The following CCDC18 variants were observed in gnomAD, a reference collection of about 807,000 sequenced individuals.
The protein encoded by CCDC18 is coiled-coil domain containing 18, also known as coiled-coil domain-containing protein 18.
A neutral mutation model predicts 196.0 loss-of-function variants in CCDC18; 157 were observed. That is an observed-to-expected ratio of 0.80 (90% CI 0.70 to 0.91). The LOEUF (loss-of-function observed/expected upper bound fraction) is 0.91, where lower values mean the gene tolerates loss of function less well. Among genes scored for constraint, CCDC18 ranks in the 40% least tolerant of loss-of-function variants. CCDC18 has a pLI of 0.00. For missense variants in CCDC18, 1,465 were observed against 1,611.6 expected (o/e 0.91, Z 1.56); for synonymous variants, 482 against 529.2 (o/e 0.91, Z 1.22).
rs1650697498 is a variant in CCDC18 at position 93,186,490 on chromosome 1, A to C, written c.449A>C (p.Gln150Pro). 6.2e-7 allele frequency: 1 copy of C among 1,600,318 alleles called. No homozygotes were observed. The highest frequency in any genetic ancestry group is 1.1e-5 in the South Asian group (1 of 88,128). Residue 150 changes from glutamine (Q) to proline (P), a missense_variant, in exon 4 of 29, where the codon CAG becomes CCG. Physicochemically the swap from Gln to Pro is moderately conservative, Grantham distance 76. Coordinates refer to ENST00000690025, the MANE Select transcript of CCDC18 (RefSeq NM_001378204.1). The part of the protein sequence containing the change: ...KFESIHFELT[Q>P]SRAKVSMLES... ...GAATCTATTCACTTTGAATTAACAC[A>C]GTCAAGAGCAAAAGTATGTATCTTG...
At chr1:93,260,518 A>G (rs1217670309) in intron 26 of CCDC18, among the ~76,000 whole-genome samples, 1 of 152,196 alleles carries the variant, frequency 6.6e-6, no homozygotes, top group East Asian at 1.9e-4. Context: ...TACTTTTAAA[A>G]TATATATGTT....
intron 7 of CCDC18, among the ~76,000 whole-genome samples, chr1:93,204,652 G>A (rs908352489): frequency 6.6e-6 from 1 of 152,138 alleles, no homozygotes; most frequent in African/African-American, 2.4e-5. Flanking sequence ...GAGAAAGTCT[G>A]CAGTTGATTA....
chr1:93,267,558 C>T (rs958791737), intron 27 of CCDC18, among the ~76,000 whole-genome samples: 2 of 152,142 alleles, frequency 1.3e-5, no homozygotes, highest in Non-Finnish European at 2.9e-5. Context: ...ATCTCAGCCC[C>T]AAATCTCCTT....
intron 1 of CCDC18, among the ~76,000 whole-genome samples, chr1:93,182,090 A>AT (rs1216916645): frequency 2.0e-5 from 3 of 152,226 alleles, no homozygotes; most frequent in Non-Finnish European, 4.4e-5. Flanking sequence ...TGGGGACCTG[A>AT]TTTATTGACT....
intron 21 of CCDC18, among the ~76,000 whole-genome samples, chr1:93,241,000 C>A (rs1195103618): frequency 1.3e-5 from 2 of 152,056 alleles, no homozygotes; most frequent in African/African-American, 2.4e-5. Flanking sequence ...GATTCTTGCC[C>A]AGGTTGGAGT....
At chr1:93,227,569 G>A (rs1570456569) in intron 17 of CCDC18, among the ~76,000 whole-genome samples, 1 of 151,990 alleles carries the variant, frequency 6.6e-6, no homozygotes, top group East Asian at 1.9e-4. Context: ...ATGGATAATC[G>A]TAATGAAGAA....
rs1557606211 is a variant in CCDC18 at position 93,193,748 on chromosome 1, TGTG to T, written c.698+5_698+7del. 3 of 1,543,518 alleles carry T rather than the reference TGTG, an allele frequency of 1.9e-6. No individual in the cohort carries two copies. The highest frequency in any genetic ancestry group is 2.6e-6 in the Non-Finnish European group (3 of 1,152,628). ...AACAAACCAAACAAGGAAAAAGGTA[TGTG>T]TTTTTAAAGCAAATACATGTTTTTG... On this transcript the variant is annotated splice_donor_5th_base_variant and intron_variant, in intron 6 of 28. Coordinates refer to ENST00000690025, the MANE Select transcript of CCDC18 (RefSeq NM_001378204.1).
At chr1:93,248,331 A>T (rs557288446) in intron 23 of CCDC18, among the ~76,000 whole-genome samples, 2 of 151,672 alleles carry the variant, frequency 1.3e-5, no homozygotes, top group Admixed American at 1.3e-4. Context: ...TTCCTTCTAT[A>T]CCCAATTTGT....
At chr1:93,247,168 C>A (rs1661595856) in intron 23 of CCDC18, among the ~76,000 whole-genome samples, 1 of 151,658 alleles carries the variant, frequency 6.6e-6, no homozygotes, top group Non-Finnish European at 1.5e-5. Flanking sequence ...TCAAGCAATC[C>A]TCCTGCCTCG....
chr1:93,198,431 A>C (rs1426272182), intron 6 of CCDC18, among the ~76,000 whole-genome samples: 1 of 152,218 alleles, frequency 6.6e-6, no homozygotes, highest in Non-Finnish European at 1.5e-5. Context: ...ATGTTGTTAA[A>C]AGTCCAAATG....
intron 13 of CCDC18, among the ~76,000 whole-genome samples, 193 bp downstream of exon 13, chr1:93,216,939 T>TTTTTG (rs1656588155): frequency 6.7e-6 from 1 of 148,190 alleles, no homozygotes; most frequent in African/African-American, 2.5e-5. Flanking sequence ...TTTTCTCTTT[T>TTTTTG]TTTTTTTTTT....
At chr1:93,259,180 A>T (rs1003204943) in intron 26 of CCDC18, among the ~76,000 whole-genome samples, 76 of 152,348 alleles carry the variant, frequency 5.0e-4, no homozygotes, top group African/African-American at 1.8e-3. Context: ...TCTACCTCAT[A>T]GAACTGTGGT....
intron 1 of CCDC18, among the ~76,000 whole-genome samples, chr1:93,181,742 G>A (rs1359101832): frequency 6.6e-6 from 1 of 151,962 alleles, no homozygotes; most frequent in Non-Finnish European, 1.5e-5. Flanking sequence ...AGCCTCCCGA[G>A]TAGCTGAGAT....
upstream of CCDC18, chr1:93,179,940 G>T: frequency 1.7e-6 from 2 of 1,193,266 alleles, no homozygotes; most frequent in Non-Finnish European, 2.3e-6. Context: ...TTCCTGAACG[G>T]CCCTCGCCTC....
intron 5 of CCDC18, among the ~76,000 whole-genome samples, chr1:93,192,987 CAG>C (rs1373629318): frequency 1.3e-5 from 2 of 152,132 alleles, no homozygotes; most frequent in South Asian, 2.1e-4. Context: ...TTATGTCCAT[CAG>C]AGTTTTGTAA....
At chr1:93,212,558 T>C (rs1655827883) in intron 11 of CCDC18, among the ~76,000 whole-genome samples, 1 of 152,124 alleles carries the variant, frequency 6.6e-6, no homozygotes, top group African/African-American at 2.4e-5. Context: ...TGTTCTCAGA[T>C]GATAGTTTTT....
chr1:93,227,967 A>ATATATATATAT (rs1176767918), intron 17 of CCDC18, among the ~76,000 whole-genome samples: 42 of 108,702 alleles, frequency 3.9e-4, no homozygotes, highest in East Asian at 1.8e-3. Flanking sequence ...CAAAAAAAAA[A>ATATATATATAT]AAAAATATAT....
chr1:93,228,522 A>C (rs991357028), intron 17 of CCDC18, among the ~76,000 whole-genome samples: 3 of 152,166 alleles, frequency 2.0e-5, no homozygotes, highest in East Asian at 1.9e-4. Flanking sequence ...AAAAAAAAAA[A>C]AACTTCAGAT....
intron 23 of CCDC18, among the ~76,000 whole-genome samples, chr1:93,248,511 T>A (rs1037540337): frequency 6.6e-6 from 1 of 152,226 alleles, no homozygotes; most frequent in African/African-American, 2.4e-5. Flanking sequence ...CTGGGATGAA[T>A]TCCACTTGGT....
Sources: gnomAD v4.1 joint callset for allele counts (sites outside exome capture counted in the v4.1 genomes callset) on GRCh38, gnomAD v4.1.1 for gene constraint, MANE v1.5 for transcripts, NCBI Gene and HGNC (gene_info 2026-07-23, HGNC 2026-07-21) for gene names.